PPFIBP1: variants seen among roughly 807,000 people sequenced by gnomAD.
PPFIBP1 encodes the protein PPFIB scaffold protein 1.
A neutral mutation model predicts 137.8 loss-of-function variants in PPFIBP1; 112 were observed. The observed-to-expected ratio is 0.81, with a 90% CI of 0.70 to 0.95. The LOEUF (loss-of-function observed/expected upper bound fraction) is 0.95, where lower values mean the gene tolerates loss of function less well. Ranked by LOEUF, PPFIBP1 falls within the 40% of genes least tolerant of loss-of-function variation. The pLI, the probability that PPFIBP1 is intolerant of heterozygous loss-of-function variation, is 0.00. For missense variants in PPFIBP1, 1,083 were observed against 1,196.6 expected (o/e 0.91, Z 1.40); for synonymous variants, 378 against 417.3 (o/e 0.91, Z 1.15).
rs891641737 is a variant in PPFIBP1, at chr12:27,693,038, C to T, written c.*156C>T. 16 of 1,231,642 alleles carry T rather than the reference C, an allele frequency of 1.3e-5. No individual in the cohort carries two copies. The highest frequency in any genetic ancestry group is 9.7e-5 in the Admixed American group (3 of 30,790). 76.3% of individuals were successfully genotyped at this position (1,231,642 alleles called of 1,614,324 possible). A position where few individuals can be genotyped will look rare whatever the true frequency, so the allele number is the denominator to read the frequency against. On this transcript the variant is annotated 3_prime_UTR_variant, in exon 30 of 30. Transcript: ENST00000228425. Reference sequence around the variant, plus strand: ...TAAACAGAAAGCAGGAGTAATGTGCCGATTCTGAAGTTGCCACAAAAAATA... The same window carrying T: ...TAAACAGAAAGCAGGAGTAATGTGCTGATTCTGAAGTTGCCACAAAAAATA...
chr12:27,614,556 A>G (rs1489245907), intron 2 of PPFIBP1, among the ~76,000 whole-genome samples: 1 of 152,156 alleles, frequency 6.6e-6, no homozygotes, highest in African/African-American at 2.4e-5. Flanking sequence ...AGCTTTTAGA[A>G]CAGACCTCCT....
Position 27,674,179 on chromosome 12 carries a change from T to C in PPFIBP1, c.1381-13T>C. On this transcript the variant is annotated splice_polypyrimidine_tract_variant and intron_variant, in intron 16 of 29. Coordinates refer to ENST00000228425, the MANE Select transcript of PPFIBP1 (RefSeq NM_003622.4). ...TCCCTAACAACCTTAAATATTGTTA[T>C]TGCTTTGAACAGGAAAAGGAAACTA... The C allele has an allele frequency of 6.3e-7, 1 of 1,589,110 alleles. No homozygotes were observed. Among genetic ancestry groups the C allele is most frequent in the East Asian group, 2.2e-5 (1 of 44,532 alleles).
intron 3 of PPFIBP1, among the ~76,000 whole-genome samples, chr12:27,634,477 C>T (rs924313944): frequency 9.2e-5 from 14 of 152,178 alleles, no homozygotes; most frequent in African/African-American, 3.1e-4. Flanking sequence ...AGAATTTACT[C>T]TGATAGTCTT....
At chr12:27,617,561 A>G (rs7972396) in intron 2 of PPFIBP1, among the ~76,000 whole-genome samples, 1,735 of 152,340 alleles carry the variant, frequency 0.011, 39 homozygotes, top group African/African-American at 0.04. Flanking sequence ...ATAGCGGCTC[A>G]AGTTCCTTAT....
At chr12:27,599,034 TCCATTTGACTTGATG>T (rs2053659343) in intron 2 of PPFIBP1, among the ~76,000 whole-genome samples, 1 of 152,238 alleles carries the variant, frequency 6.6e-6, no homozygotes, top group South Asian at 2.1e-4. Flanking sequence ...CTTCCTAAGA[TCCATTTGACTTGATG>T]GGATTTGGAA....
chr12:27,685,287 AC>A (rs2061137088), intron 24 of PPFIBP1, among the ~76,000 whole-genome samples: 1 of 110,048 alleles, frequency 9.1e-6, no homozygotes, highest in African/African-American at 2.7e-5. Flanking sequence ...ATCCATATAC[AC>A]ACACACACAC....
chr12:27,543,218 G>C (rs978252047), intron 1 of PPFIBP1, among the ~76,000 whole-genome samples: 2 of 152,088 alleles, frequency 1.3e-5, no homozygotes, highest in Non-Finnish European at 2.9e-5. Flanking sequence ...GTTTATTTAG[G>C]CTTTTTCATT....
At chr12:27,638,751 A>G (rs538709397) in intron 4 of PPFIBP1, among the ~76,000 whole-genome samples, 6 of 152,358 alleles carry the variant, frequency 3.9e-5, no homozygotes, top group South Asian at 2.1e-4. Context: ...ACTTCTTGCA[A>G]TGAAAGAGTA....
intron 11 of PPFIBP1, 125 bp from the exon 12 acceptor site, chr12:27,664,237 A>G: frequency 1.5e-6 from 1 of 647,508 alleles, no homozygotes; most frequent in Non-Finnish European, 2.7e-6. Context: ...TTTTTTTTAA[A>G]TGCTCTCTCG....
At chr12:27,581,868 G>C (rs1359446502) in intron 2 of PPFIBP1, among the ~76,000 whole-genome samples, 1 of 150,954 alleles carries the variant, frequency 6.6e-6, no homozygotes, top group Non-Finnish European at 1.5e-5. Flanking sequence ...TTTTTCTTTA[G>C]TGCTTTCTCC....
At chr12:27,623,567 G>A (rs1268291445) in intron 2 of PPFIBP1, among the ~76,000 whole-genome samples, 1 of 152,054 alleles carries the variant, frequency 6.6e-6, no homozygotes, top group Non-Finnish European at 1.5e-5. Flanking sequence ...AATCAGCTGA[G>A]TATGGTCGCA....
chr12:27,642,693 A>C (rs955993213), intron 4 of PPFIBP1, among the ~76,000 whole-genome samples: 1 of 152,180 alleles, frequency 6.6e-6, no homozygotes, highest in Non-Finnish European at 1.5e-5. Context: ...GATTGATCTG[A>C]GAGGGAGGAG....
intron 1 of PPFIBP1, among the ~76,000 whole-genome samples, chr12:27,540,604 A>G (rs1945545344): frequency 6.6e-6 from 1 of 152,200 alleles, no homozygotes; most frequent in African/African-American, 2.4e-5. Context: ...TATACAATAG[A>G]TGATCACATG....
intron 4 of PPFIBP1, among the ~76,000 whole-genome samples, chr12:27,642,952 A>AT: frequency 1.3e-5 from 2 of 152,192 alleles, no homozygotes; most frequent in South Asian, 4.2e-4. Flanking sequence ...AATATATATT[A>AT]TACTATTACG....
intron 7 of PPFIBP1, among the ~76,000 whole-genome samples, chr12:27,653,868 T>C (rs533290197): frequency 1.3e-5 from 2 of 152,170 alleles, no homozygotes; most frequent in Non-Finnish European, 1.5e-5. Context: ...AACACTAGGA[T>C]TGGTTTCTCT....
At position 27,644,704 on chromosome 12, in the gene PPFIBP1, A is replaced by C. The variant is rs879576746; in HGVS notation, c.271-1358A>C. 5.3e-5 allele frequency among the ~76,000 whole-genome samples: 8 copies of C among 152,310 alleles called. No homozygotes were observed. The East Asian group carries it at 1.5e-3, about 29-fold the overall frequency. On this transcript the variant is annotated intron_variant, in intron 4 of 29. Transcript: ENST00000228425. Reference sequence around the variant, plus strand: ...TAATACTTGTAATTTAATGCTGGGCACTTCAGTTAACAATATGAGCAGAAT... The same window carrying C: ...TAATACTTGTAATTTAATGCTGGGCCCTTCAGTTAACAATATGAGCAGAAT...
Position 27,597,449 on chromosome 12 carries a change from C to T in PPFIBP1, c.-36+19210C>T, listed in dbSNP as rs1333737973. ...GATTACAGGCGTGAGCCACCGCGAC[C>T]GGCCACCAAAATGAGATTTAAAATA... On this transcript the variant is annotated intron_variant, in intron 2 of 29. Coordinates refer to ENST00000228425, the MANE Select transcript of PPFIBP1 (RefSeq NM_003622.4). Among the ~76,000 whole-genome samples the T allele has an allele frequency of 9.9e-5, 15 of 152,096 alleles. No individual in the cohort carries two copies. The East Asian group carries it at 1.2e-3, about 12-fold the overall frequency.
rs2060525739 is a variant in PPFIBP1 at position 27,676,602 on chromosome 12, A to G, written c.1582+3A>G. ...AACAGCAAGTGCACCAAACTTAGGT[A>G]CGTATGACCAAAATGCCTTTGCCCT... On this transcript the variant is annotated splice_donor_region_variant and intron_variant, in intron 18 of 29. Transcript: ENST00000228425. 1 of 1,560,272 alleles carries G rather than the reference A, an allele frequency of 6.4e-7. No individual in the cohort carries two copies. The highest frequency in any genetic ancestry group is 8.7e-7 in the Non-Finnish European group (1 of 1,149,852).
chr12:27,646,450 C>T (rs2058501914), intron 5 of PPFIBP1, among the ~76,000 whole-genome samples: 1 of 148,152 alleles, frequency 6.7e-6, no homozygotes, highest in Non-Finnish European at 1.5e-5. Context: ...TGTTACATTG[C>T]CCAGGCTAGT....
Sources: allele counts gnomAD v4.1 joint callset (sites outside exome capture counted in the v4.1 genomes callset), GRCh38; gene constraint gnomAD v4.1.1; transcripts MANE v1.5; gene names NCBI Gene and HGNC (gene_info 2026-07-23, HGNC 2026-07-21).